The following CNTN5 variants were observed in gnomAD, a reference collection of about 807,000 sequenced individuals.
CNTN5 encodes contactin 5.
A neutral mutation model predicts 129.1 loss-of-function variants in CNTN5; 77 were observed. The ratio of observed to expected loss-of-function variants is 0.60; its 90% CI spans 0.50 to 0.72. The LOEUF is 0.72. Among genes scored for constraint, CNTN5 ranks in the 30% least tolerant of loss-of-function variants. The pLI is 0.00. For missense variants in CNTN5, 1,478 were observed against 1,328.8 expected, an observed-to-expected ratio of 1.11 and a Z score of -1.75; for synonymous variants, 509 against 465.6, an observed-to-expected ratio of 1.09 and a Z score of -1.20.
intron 18 of CNTN5, among the ~76,000 whole-genome samples, chr11:100,293,622 AC>A (rs1951042354): frequency 6.6e-6 from 1 of 151,916 alleles, no homozygotes; most frequent in East Asian, 1.9e-4. Context: ...ACCTTAAGAA[AC>A]AGGTATAATT....
chr11:100,231,954 G>C (rs1273677440), intron 16 of CNTN5, among the ~76,000 whole-genome samples: 6 of 152,138 alleles, frequency 3.9e-5, no homozygotes, highest in Admixed American at 6.5e-5. Flanking sequence ...AGGAGATCGA[G>C]ACCAGCCTGG....
intron 1 of CNTN5, among the ~76,000 whole-genome samples, chr11:99,179,721 T>C (rs1857953338): frequency 6.6e-6 from 1 of 152,166 alleles, no homozygotes; most frequent in South Asian, 2.1e-4. Context: ...GCTGTTCATA[T>C]TGTGTTTAAT....
At chr11:99,824,958 C>T (rs1946907493) in intron 4 of CNTN5, among the ~76,000 whole-genome samples, 1 of 151,824 alleles carries the variant, frequency 6.6e-6, no homozygotes, top group Admixed American at 6.6e-5. Context: ...TTTGTCTCCT[C>T]GAAAATAATA....
At chr11:99,062,660 G>A (rs1028550934) in intron 1 of CNTN5, among the ~76,000 whole-genome samples, 2 of 122,562 alleles carry the variant, frequency 1.6e-5, no homozygotes, top group Admixed American at 7.8e-5. Context: ...TACCCTGCAT[G>A]CAAGCATTGA....
At chr11:99,901,563 G>C (rs1339079186) in intron 6 of CNTN5, among the ~76,000 whole-genome samples, 1 of 152,052 alleles carries the variant, frequency 6.6e-6, no homozygotes, top group Non-Finnish European at 1.5e-5. Context: ...AAAGTGCTGT[G>C]ATTACAGGCA....
At chr11:100,297,772 T>A in intron 19 of CNTN5, 77 bp downstream of exon 19, 2 of 1,116,374 alleles carry the variant, frequency 1.8e-6, no homozygotes, top group South Asian at 2.8e-5. Flanking sequence ...ATTTTATGAT[T>A]AAGCAGTCCA....
chr11:99,743,996 C>G lies in CNTN5; in HGVS notation c.56-75548C>G, dbSNP rs72985894. ...TGTTTTTTACCCTGACTTTTGTACC[C>G]CCATCAAAACCAGTATGCAATGTGA... On this transcript the variant is annotated intron_variant, in intron 3 of 24. Transcript: ENST00000524871. 7.7e-3 allele frequency among the ~76,000 whole-genome samples: 1,176 copies of G among 151,984 alleles called. 6 individuals are homozygous for G. The highest frequency in any genetic ancestry group is 0.016 in the South Asian group (79 of 4,808).
At chr11:100,048,578 G>T (rs1343595017) in intron 9 of CNTN5, among the ~76,000 whole-genome samples, 2 of 151,914 alleles carry the variant, frequency 1.3e-5, no homozygotes, top group African/African-American at 4.8e-5. Flanking sequence ...GTGAAAAAAT[G>T]TACTAGATTG....
intron 15 of CNTN5, among the ~76,000 whole-genome samples, chr11:100,206,327 T>C (rs889722045): frequency 1.3e-5 from 2 of 152,116 alleles, no homozygotes; most frequent in African/African-American, 4.8e-5. Flanking sequence ...TAATAAATAA[T>C]GATCTTATAG....
At chr11:99,053,042 G>T (rs1301316624) in intron 1 of CNTN5, among the ~76,000 whole-genome samples, 1 of 151,720 alleles carries the variant, frequency 6.6e-6, no homozygotes, top group Non-Finnish European at 1.5e-5. Flanking sequence ...ATTCCTCTAT[G>T]ACCCCACCTC....
At chr11:100,155,413 G>T (rs1192780789) in intron 13 of CNTN5, among the ~76,000 whole-genome samples, 1 of 152,078 alleles carries the variant, frequency 6.6e-6, no homozygotes, top group East Asian at 1.9e-4. Flanking sequence ...ATGATGTTTT[G>T]GTTACTGTAG....
chr11:99,510,034 C>A (rs76467509), intron 2 of CNTN5, among the ~76,000 whole-genome samples: 10,420 of 151,334 alleles, frequency 0.069, 445 homozygotes, highest in Non-Finnish European at 0.095. Flanking sequence ...TAAAATAATT[C>A]TTGTTTCTAT....
chr11:100,042,693 G>T (rs2137687202), intron 9 of CNTN5, among the ~76,000 whole-genome samples: 1 of 152,334 alleles, frequency 6.6e-6, no homozygotes, highest in East Asian at 1.9e-4. Flanking sequence ...ATACTTTCAA[G>T]AACTACATTT....
At chr11:99,621,744 A>G (rs11220671) in intron 3 of CNTN5, among the ~76,000 whole-genome samples, 21,772 of 152,134 alleles carry the variant, frequency 0.14, 1,762 homozygotes, top group South Asian at 0.24. Flanking sequence ...TTAGTAGGCA[A>G]GTTATCCTGA....
intron 3 of CNTN5, among the ~76,000 whole-genome samples, chr11:99,771,255 A>G (rs922905112): frequency 6.6e-6 from 1 of 152,112 alleles, no homozygotes; most frequent in Admixed American, 6.6e-5. Flanking sequence ...CAGTATGCTG[A>G]AGACATAGCT....
intron 4 of CNTN5, among the ~76,000 whole-genome samples, chr11:99,830,735 T>C (rs185702445): frequency 6.6e-6 from 1 of 152,194 alleles, no homozygotes; most frequent in Admixed American, 6.6e-5. Context: ...TTTATTCTGC[T>C]ATTGTAGTCT....
chr11:99,711,480 GAC>G (rs1954985759), intron 3 of CNTN5, among the ~76,000 whole-genome samples: 1 of 150,480 alleles, frequency 6.6e-6, no homozygotes, highest in Non-Finnish European at 1.5e-5. Context: ...ATCGTTTGAA[GAC>G]ACAGTTTTTT....
intron 1 of CNTN5, among the ~76,000 whole-genome samples, chr11:99,114,025 T>G (rs986079160): frequency 6.6e-6 from 1 of 152,180 alleles, no homozygotes; most frequent in African/African-American, 2.4e-5. Flanking sequence ...GTATTTTTAA[T>G]GTTTATGTTA....
intron 12 of CNTN5, among the ~76,000 whole-genome samples, chr11:100,073,249 G>A (rs1051979446): frequency 1.3e-5 from 2 of 151,900 alleles, no homozygotes; most frequent in African/African-American, 4.8e-5. Flanking sequence ...GTTTCACCGT[G>A]TTGGCCAGGC....
Sources: allele counts gnomAD v4.1 joint callset (sites outside exome capture counted in the v4.1 genomes callset), GRCh38; gene constraint gnomAD v4.1.1; transcripts MANE v1.5; gene names NCBI Gene and HGNC (gene_info 2026-07-23, HGNC 2026-07-21).